Variants in KDM1A observed in about 807,000 individuals in gnomAD.
KDM1A encodes the protein lysine-specific histone demethylase 1A.
KDM1A carries 49 observed loss-of-function variants against 109.4 expected under a neutral mutation model. The observed-to-expected ratio is 0.45, with a 90% CI of 0.36 to 0.57. KDM1A has a LOEUF of 0.57. KDM1A is among the 20% of genes least tolerant of loss of function. The probability of loss-of-function intolerance (pLI) is 0.00; values close to 1 mark genes in which losing one functional copy is unlikely to be tolerated. For missense variants in KDM1A, 668 were observed against 1,116.6 expected (o/e 0.60, Z 5.73); for synonymous variants, 380 against 415.4 (o/e 0.91, Z 1.04).
At chr1:23,032,202 C>T (rs1434476440) in intron 2 of KDM1A, among the ~76,000 whole-genome samples, 2 of 152,098 alleles carry the variant, frequency 1.3e-5, no homozygotes, top group Non-Finnish European at 2.9e-5. Flanking sequence ...CTAAGTACTA[C>T]GCATTGATGA....
chr1:23,050,451 C>G lies in KDM1A; in HGVS notation c.642C>G (p.Ala214=). 1 of 1,613,528 alleles carries G rather than the reference C, an allele frequency of 6.2e-7. No individual in the cohort carries two copies. The highest frequency in any genetic ancestry group is 8.5e-7 in the Non-Finnish European group (1 of 1,179,710). The change falls in exon 4 of 21, where the codon GCC becomes GCG. Residue 214 remains alanine (A), a synonymous_variant. Coordinates refer to ENST00000400181, the MANE Select transcript of KDM1A (RefSeq NM_001009999.3). The stretch of plus-strand genomic sequence containing the variant: ...ACCGGATGACTTCTCAAGAAGCAGC[C>G]TGTTTTCCAGATATTATCAGTGGAC... ...PHDRMTSQEA[A]CFPDIISGPQ...
At chr1:23,062,158 A>T (rs1374542814) in intron 9 of KDM1A, among the ~76,000 whole-genome samples, 1 of 152,228 alleles carries the variant, frequency 6.6e-6, no homozygotes, top group Non-Finnish European at 1.5e-5. Context: ...GAAGAGCCAG[A>T]ATCCATTGCC....
intron 3 of KDM1A, among the ~76,000 whole-genome samples, chr1:23,047,902 CT>C (rs1425040212): frequency 6.8e-6 from 1 of 147,532 alleles, no homozygotes. Context: ...GTCCTTCCCC[CT>C]GCCAAAAAAA....
At position 23,049,152 on chromosome 1, in the gene KDM1A, CAAAAAA is replaced by C. The variant is rs5773034; in HGVS notation, c.578-1216_578-1211del. Reference sequence around the variant, plus strand: ...TGGGCGACAGAGTGAGACTCCCTCTCAAAAAAAAAAAAAAAAAAAAAAAATTATATA... The same window carrying C: ...TGGGCGACAGAGTGAGACTCCCTCTCAAAAAAAAAAAAAAAAAATTATATA... On this transcript the variant is annotated intron_variant, in intron 3 of 20. Transcript: ENST00000400181. 2.1e-4 allele frequency among the ~76,000 whole-genome samples: 16 copies of C among 75,228 alleles called. No individual in the cohort carries two copies. The East Asian group carries it at 4.2e-3, about 20-fold the overall frequency. The allele number at this position is 75,228 out of a possible 152,430, so 49.4% of individuals were successfully genotyped here. A position where few individuals can be genotyped will look rare whatever the true frequency, so the allele number is the denominator to read the frequency against.
chr1:23,054,485 T>C (rs1449198221), intron 5 of KDM1A, among the ~76,000 whole-genome samples: 1 of 152,152 alleles, frequency 6.6e-6, no homozygotes, highest in African/African-American at 2.4e-5. Context: ...AGAATCACAT[T>C]GATTGAGTGA....
chr1:23,019,805 C>T lies in KDM1A; in HGVS notation c.209C>T (p.Pro70Leu), dbSNP rs1213416185. 3 of 1,398,344 alleles carry T rather than the reference C, an allele frequency of 2.1e-6. No homozygotes were observed. In the East Asian group the frequency reaches 9.2e-5, roughly 43 times the overall value. 86.6% of individuals were successfully genotyped at this position (1,398,344 alleles called of 1,614,324 possible). A position where few individuals can be genotyped will look rare whatever the true frequency, so the allele number is the denominator to read the frequency against. ...PRKKEPPRAS[P>L]PGGLAEPPGS... Reference sequence around the variant, plus strand: ...AAGAAAGAGCCTCCGCGGGCCTCGCCCCCCGGGGGCCTGGCGGAACCGCCG... The same window carrying T: ...AAGAAAGAGCCTCCGCGGGCCTCGCTCCCCGGGGGCCTGGCGGAACCGCCG... The change falls in exon 1 of 21, where the codon CCC (proline) becomes CTC (leucine). Residue 70 changes from proline to leucine, a missense_variant. Physicochemically the swap from Pro to Leu is moderately conservative, Grantham distance 98. Transcript: ENST00000400181.
Position 23,030,546 on chromosome 1 carries a change from C to T in KDM1A, c.429C>T (p.Ala143=). Residue 143 remains alanine (A), a synonymous_variant, in exon 2 of 21, where the codon GCC becomes GCT. Coordinates refer to ENST00000400181, the MANE Select transcript of KDM1A (RefSeq NM_001009999.3). ...DEYYSEEERN[A]KAEKEKKLPP... ...ATTATTCAGAAGAAGAGAGAAATGC[C>T]AAAGCAGAGAAGGAAAAGAAGCTTC... 6.2e-7 allele frequency: 1 copy of T among 1,612,312 alleles called. No homozygotes were observed. Among genetic ancestry groups the T allele is most frequent in the African/African-American group, 1.3e-5 (1 of 74,858 alleles).
chr1:23,041,975 T>C (rs1642350800), intron 2 of KDM1A, among the ~76,000 whole-genome samples: 1 of 152,124 alleles, frequency 6.6e-6, no homozygotes, highest in African/African-American at 2.4e-5. Context: ...ATCCATCTTT[T>C]TTTGTGAATC....
At chr1:23,028,930 G>C (rs192340757) in intron 1 of KDM1A, among the ~76,000 whole-genome samples, 1 of 152,052 alleles carries the variant, frequency 6.6e-6, no homozygotes, top group Non-Finnish European at 1.5e-5. Flanking sequence ...ATTGTACCAC[G>C]TACTCAGTGT....
Position 23,079,948 on chromosome 1 carries a change from G to A in KDM1A, c.2170+281G>A, listed in dbSNP as rs1234535981. ...TACTGGAGGTCCACTCAGCCTGGAG[G>A]GATAGGCCCAGGGAGGCTTCCTACC... On this transcript the variant is annotated intron_variant, in intron 18 of 20. Transcript: ENST00000400181. This position sits in a 1 kb window ranked among gnomAD's most constrained non-coding sequence, Gnocchi z 5.6. 6.6e-6 allele frequency among the ~76,000 whole-genome samples: 1 copy of A among 152,124 alleles called. No homozygotes were observed. Among genetic ancestry groups the A allele is most frequent in the Admixed American group, 6.5e-5 (1 of 15,268 alleles).
chr1:23,042,440 A>ATTATTATTAT lies in KDM1A; in HGVS notation c.518-1985_518-1984insATTATTATTT, dbSNP rs1553127465. On this transcript the variant is annotated intron_variant, in intron 2 of 20. Transcript: ENST00000400181. ...TTTTTAAAAATCTATGAAATATATT[A>ATTATTATTAT]TTTTTTTTTTTTTTTTTTTTTTTTT... Among the ~76,000 whole-genome samples, 42 of 21,570 alleles carry ATTATTATTAT rather than the reference A, an allele frequency of 1.9e-3. 1 individual carries two copies. Among genetic ancestry groups the ATTATTATTAT allele is most frequent in the African/African-American group, 4.4e-3 (27 of 6,146 alleles). 14.2% of individuals were successfully genotyped at this position (21,570 alleles called of 152,430 possible).
chr1:23,071,446 T>A, intron 13 of KDM1A, 87 bp downstream of exon 13: 1 of 1,311,500 alleles, frequency 7.6e-7, no homozygotes, highest in Non-Finnish European at 1.0e-6. Flanking sequence ...AGAGAGCCAC[T>A]AGCCAATCAC....
chr1:23,020,142 C>A (rs1340139478), intron 1 of KDM1A, 195 bp downstream of exon 1: 7 of 543,138 alleles, frequency 1.3e-5, no homozygotes, highest in Non-Finnish European at 2.0e-5. Flanking sequence ...GTGTTGACTG[C>A]GGTCTTTGTG....
At position 23,082,343 on chromosome 1, in the gene KDM1A, C is replaced by T. The variant is rs377608361; in HGVS notation, c.2422C>T (p.Pro808Ser). ...DLMAQPITPGPSIPGAPQPIP... is the reference protein window; with the variant it reads ...DLMAQPITPGSSIPGAPQPIP... Reference sequence around the variant, plus strand: ...AATGGCTCAGCCAATCACTCCTGGCCCCTCGATTCCAGGTGCCCCACAGGT... The same window carrying T: ...AATGGCTCAGCCAATCACTCCTGGCTCCTCGATTCCAGGTGCCCCACAGGT... Residue 808 changes from proline (P) to serine (S), a missense_variant, in exon 20 of 21, where the codon CCC becomes TCC. Around this residue, in one of 8 missense-constraint regions of KDM1A, gnomAD observed 69 missense variants for 99.6 expected, o/e 0.69. Transcript: ENST00000400181. 1 of 1,613,558 alleles carries T rather than the reference C, an allele frequency of 6.2e-7. No individual in the cohort carries two copies. The highest frequency in any genetic ancestry group is 1.3e-5 in the African/African-American group (1 of 74,914).
chr1:23,077,442 C>A, intron 16 of KDM1A, 82 bp downstream of exon 16: 7 of 1,389,584 alleles, frequency 5.0e-6, no homozygotes, highest in East Asian at 2.5e-5. Context: ...CTATCAGGTA[C>A]ATTTCCTGAT....
intron 2 of KDM1A, among the ~76,000 whole-genome samples, chr1:23,032,617 C>T (rs1201204935): frequency 2.0e-5 from 3 of 152,010 alleles, no homozygotes; most frequent in Non-Finnish European, 4.4e-5. Context: ...AGTGATTCTT[C>T]CTTTAAAACA....
chr1:23,053,659 T>A, intron 4 of KDM1A, 102 bp from the exon 5 acceptor site: 1 of 777,956 alleles, frequency 1.3e-6, no homozygotes. Flanking sequence ...CTGCTGGGAT[T>A]ATAGGTGTGA....
chr1:23,080,664 G>C (rs985350379), intron 18 of KDM1A, among the ~76,000 whole-genome samples: 6 of 152,132 alleles, frequency 3.9e-5, no homozygotes, highest in African/African-American at 1.2e-4. Context: ...TTCTGCCTCA[G>C]AGCCTCTGCG....
intron 15 of KDM1A, 41 bp downstream of exon 15, chr1:23,073,444 G>A: frequency 2.9e-6 from 3 of 1,026,770 alleles, no homozygotes; most frequent in South Asian, 2.6e-5. Context: ...ACATGCCTTT[G>A]AGAGGGATTG....
Sources: gnomAD v4.1 joint callset for allele counts (sites outside exome capture counted in the v4.1 genomes callset) on GRCh38, gnomAD v4.1.1 for gene constraint, gnomAD v4.1.1 regional missense constraint, Gnocchi (gnomAD v3.1) non-coding constraint, MANE v1.5 for transcripts, NCBI Gene and HGNC (gene_info 2026-07-23, HGNC 2026-07-21) for gene names.